Variants in SH3BP2 observed in about 807,000 individuals in gnomAD.
SH3BP2 encodes the protein SH3 domain binding protein 2.
Under a neutral mutation model 56.2 loss-of-function variants are expected in SH3BP2, and 38 were observed. The ratio of observed to expected loss-of-function variants is 0.68; its 90% CI spans 0.52 to 0.89. The LOEUF (loss-of-function observed/expected upper bound fraction) is 0.89. SH3BP2 is among the 40% of genes least tolerant of loss of function. SH3BP2 has a pLI of 0.00. For missense variants in SH3BP2, 748 were observed against 762.6 expected (o/e 0.98, Z 0.23); for synonymous variants, 346 against 316.7 (o/e 1.09, Z -0.98).
chr4:2,807,261 A>G (rs1194095068), intron 1 of SH3BP2, among the ~76,000 whole-genome samples: 1 of 152,166 alleles, frequency 6.6e-6, no homozygotes, highest in African/African-American at 2.4e-5. Flanking sequence ...AACCTCTCTC[A>G]TTGAGAGTCC....
rs571401574 is a variant in SH3BP2 at position 2,831,753 on chromosome 4, C to T, written c.1350+74C>T. The stretch of plus-strand genomic sequence containing the variant: ...GTGGTGGGAAAGCCATAGGCCAGGG[C>T]GGCCCCTCACAGACCGTCCTGAGCA... On this transcript the variant is annotated intron_variant, in intron 9 of 12. Transcript: ENST00000503393. This position sits in a 1 kb window ranked among gnomAD's most constrained non-coding sequence, Gnocchi z 4.1. The T allele has an allele frequency of 1.2e-4, 163 of 1,403,996 alleles. No individual in the cohort carries two copies. The highest frequency in any genetic ancestry group is 5.3e-4 in the Middle Eastern group (3 of 5,626). The allele number at this position is 1,403,996 out of a possible 1,614,324, so 87.0% of individuals were successfully genotyped here.
At position 2,833,929 on chromosome 4, in the gene SH3BP2, G is replaced by C; in HGVS notation, c.*95G>C. The C allele has an allele frequency of 7.1e-7, 1 of 1,403,108 alleles. No homozygotes were observed. The allele number at this position is 1,403,108 out of a possible 1,614,324, so 86.9% of individuals were successfully genotyped here. On this transcript the variant is annotated 3_prime_UTR_variant, in exon 13 of 13. Transcript: ENST00000503393. The stretch of plus-strand genomic sequence containing the variant: ...TGGGCCCACATGGGAGGGTGAGCAG[G>C]AGCAAGGCTGTGCTTGCCTAGGGCC...
At chr4:2,796,330 A>C (rs868181788) in intron 1 of SH3BP2, 2 of 800,690 alleles carry the variant, frequency 2.5e-6, no homozygotes, top group African/African-American at 3.7e-5. Context: ...GGCTCCCAGG[A>C]GGGGAGAAAG....
chr4:2,818,146 G>T (rs1045115993), intron 1 of SH3BP2: 1 of 889,148 alleles, frequency 1.1e-6, no homozygotes, highest in South Asian at 5.2e-5. Context: ...GGAGGGGCGC[G>T]CCGGGATCCT....
intron 3 of SH3BP2, among the ~76,000 whole-genome samples, chr4:2,823,839 G>C (rs1724444218): frequency 1.3e-5 from 2 of 152,244 alleles, no homozygotes; most frequent in Non-Finnish European, 2.9e-5. Flanking sequence ...CTGCACCCTG[G>C]CCACAGGCCT....
At position 2,829,834 on chromosome 4, in the gene SH3BP2, C is replaced by G; in HGVS notation, c.928C>G (p.Pro310Ala). The G allele has an allele frequency of 6.2e-7, 1 of 1,613,624 alleles. No homozygotes were observed. The highest frequency in any genetic ancestry group is 8.5e-7 in the Non-Finnish European group (1 of 1,179,990). The change falls in exon 8 of 13, where the codon CCT becomes GCT. Residue 310 changes from proline (P) to alanine (A), a missense_variant. Coordinates refer to ENST00000503393, the MANE Select transcript of SH3BP2 (RefSeq NM_001122681.2). The surrounding 1 kb of genome is among the most constrained non-coding windows in gnomAD (Gnocchi z 4.9). ...CAGCCCCAGCCCGGAGCCCTGGACC[C>G]CTGGCCACGGGGCCTGCTCCACTTC... is the stretch of plus-strand genomic sequence containing the variant. ...SASPSPEPWT[P>A]GHGACSTSSA... is the part of the protein sequence containing the mutation.
rs1725266083 is a variant in SH3BP2, at chr4:2,837,253, T to C, written c.*3419T>C. ...CATGTTGGCCAGGCTGGTCTTGAACTCCTGACCTCAACTGATCCGCCCACC... is the reference window on the plus strand; with the variant it reads ...CATGTTGGCCAGGCTGGTCTTGAACCCCTGACCTCAACTGATCCGCCCACC... On this transcript the variant is annotated 3_prime_UTR_variant, in exon 13 of 13. Transcript: ENST00000503393. 1.3e-5 allele frequency: 2 copies of C among 152,226 alleles called. No individual in the cohort carries two copies. The highest frequency in any genetic ancestry group is 6.5e-5 in the Admixed American group (1 of 15,272). The allele number at this position is 152,226 out of a possible 1,614,324, so 9.4% of individuals were successfully genotyped here. A position where few individuals can be genotyped will look rare whatever the true frequency, so the allele number is the denominator to read the frequency against.
chr4:2,811,340 C>A (rs1723742700), intron 1 of SH3BP2, among the ~76,000 whole-genome samples: 2 of 152,356 alleles, frequency 1.3e-5, no homozygotes, highest in South Asian at 4.1e-4. Context: ...ACCCCTGCAG[C>A]TTTGTGGCCT....
chr4:2,803,657 AC>A (rs1723405325), intron 1 of SH3BP2, among the ~76,000 whole-genome samples: 1 of 152,128 alleles, frequency 6.6e-6, no homozygotes, highest in South Asian at 2.1e-4. Context: ...TGTGGCCTGG[AC>A]TGGCAGTTCT....
chr4:2,830,972 C>T (rs1724953382), intron 8 of SH3BP2, among the ~76,000 whole-genome samples: 1 of 152,260 alleles, frequency 6.6e-6, no homozygotes, highest in African/African-American at 2.4e-5. Flanking sequence ...GGTTCTAGTT[C>T]ACCAAGGGCT....
intron 1 of SH3BP2, among the ~76,000 whole-genome samples, chr4:2,807,577 G>A (rs1190577662): frequency 1.3e-5 from 2 of 152,236 alleles, no homozygotes; most frequent in African/African-American, 4.8e-5. Flanking sequence ...GGATGAGGGA[G>A]CGTTTGGTTT....
chr4:2,803,081 C>A (rs1723377743), intron 1 of SH3BP2, among the ~76,000 whole-genome samples: 1 of 152,358 alleles, frequency 6.6e-6, no homozygotes, highest in South Asian at 2.1e-4. Flanking sequence ...GCCGCCAAGA[C>A]CGCCACGGTA....
At chr4:2,820,281 T>C (rs1342086833) in intron 1 of SH3BP2, among the ~76,000 whole-genome samples, 1 of 152,196 alleles carries the variant, frequency 6.6e-6, no homozygotes. Flanking sequence ...TCTGAGTTCG[T>C]TCATCTCTAC....
intron 1 of SH3BP2, chr4:2,809,648 G>T: frequency 8.8e-6 from 2 of 226,918 alleles, no homozygotes; most frequent in Non-Finnish European, 1.5e-5. Context: ...CCGTGAGGCA[G>T]GAGGTGCCAG....
chr4:2,813,067 G>A lies in SH3BP2; in HGVS notation c.-4-7547G>A, dbSNP rs537922581. 3.9e-5 allele frequency among the ~76,000 whole-genome samples: 6 copies of A among 152,254 alleles called. No homozygotes were observed. The South Asian group carries it at 1.2e-3, about 32-fold the overall frequency. ...CAGCAGTGCTTCTCTGGCATAGCTGGTTACTGGGCCTTTACGGGAGAATTT... is the reference window on the plus strand; with the variant it reads ...CAGCAGTGCTTCTCTGGCATAGCTGATTACTGGGCCTTTACGGGAGAATTT... On this transcript the variant is annotated intron_variant, in intron 1 of 12. Transcript: ENST00000503393.
chr4:2,823,117 C>G, intron 3 of SH3BP2, 80 bp downstream of exon 3: 1 of 1,021,158 alleles, frequency 9.8e-7, no homozygotes, highest in South Asian at 1.3e-5. Context: ...CTGGGCCTGC[C>G]CCTTATTCCC....
chr4:2,814,022 C>T (rs990555928), intron 1 of SH3BP2, among the ~76,000 whole-genome samples: 4 of 152,354 alleles, frequency 2.6e-5, no homozygotes, highest in Admixed American at 2.6e-4. Flanking sequence ...ACAGTAAGTC[C>T]TTGACCCTGT....
chr4:2,799,230 A>G lies in SH3BP2; in HGVS notation c.-5+6092A>G, dbSNP rs1723160411. 6.1e-6 allele frequency: 6 copies of G among 985,300 alleles called. No individual in the cohort carries two copies. The Middle Eastern group carries it at 1.6e-3, about 257-fold the overall frequency. 61.0% of individuals were successfully genotyped at this position (985,300 alleles called of 1,614,324 possible). ...GGACCCTGGGGGTGGAATCTCTGAA[A>G]TGCCTTCCCCTCGGGACCCTCACCG... On this transcript the variant is annotated intron_variant, in intron 1 of 12. Coordinates refer to ENST00000503393, the MANE Select transcript of SH3BP2 (RefSeq NM_001122681.2).
At chr4:2,800,525 C>T (rs1004854171) in intron 1 of SH3BP2, among the ~76,000 whole-genome samples, 23 of 148,244 alleles carry the variant, frequency 1.6e-4, no homozygotes, top group African/African-American at 4.0e-4. Context: ...CCGAGCAGTA[C>T]GTGGAGGTGC....
Sources: gnomAD v4.1 joint callset for allele counts (sites outside exome capture counted in the v4.1 genomes callset) on GRCh38, gnomAD v4.1.1 for gene constraint, Gnocchi (gnomAD v3.1) non-coding constraint, MANE v1.5 for transcripts, NCBI Gene and HGNC (gene_info 2026-07-23, HGNC 2026-07-21) for gene names.